The following PENK variants were observed in gnomAD, a reference collection of about 807,000 sequenced individuals.
The protein encoded by PENK is proenkephalin, also known as proenkephalin-A.
A neutral mutation model predicts 24.1 loss-of-function variants in PENK; 25 were observed. The ratio of observed to expected loss-of-function variants is 1.04; its 90% CI spans 0.76 to 1.45. PENK has a LOEUF of 1.45. PENK is among the 40% of genes most tolerant of loss of function. The probability of loss-of-function intolerance (pLI) is 0.00; values close to 1 mark genes in which losing one functional copy is unlikely to be tolerated. For missense variants in PENK, 353 were observed against 337.9 expected (o/e 1.04, Z -0.35); for synonymous variants, 135 against 130.3 (o/e 1.04, Z -0.24).
chr8:56,443,370 T>G (rs1444820584), intron 3 of PENK: 1 of 152,182 alleles, frequency 6.6e-6, no homozygotes, highest in Non-Finnish European at 1.5e-5. Flanking sequence ...ACCAAAAGAT[T>G]TTTAAATGTA....
chr8:56,443,425 A>C (rs1340486743), intron 3 of PENK: 1 of 152,266 alleles, frequency 6.6e-6, no homozygotes, highest in Non-Finnish European at 1.5e-5. Flanking sequence ...CAAATATCAG[A>C]ATAATGCACT....
At chr8:56,442,009 A>G (rs1322040159) in intron 3 of PENK, 72 bp from the exon 4 acceptor site, 1 of 1,149,714 alleles carries the variant, frequency 8.7e-7, no homozygotes, top group Non-Finnish European at 1.3e-6. Context: ...ACTTTTGTGG[A>G]CCAAAATATG....
intron 3 of PENK, 79 bp downstream of exon 3, chr8:56,445,737 T>G: frequency 6.3e-7 from 1 of 1,582,008 alleles, no homozygotes; most frequent in Non-Finnish European, 8.7e-7. Context: ...CGCCGCGCGG[T>G]GGGCCGGAGG....
chr8:56,442,451 G>A (rs930684491), intron 3 of PENK, among the ~76,000 whole-genome samples: 29 of 152,018 alleles, frequency 1.9e-4, no homozygotes, highest in Non-Finnish European at 3.5e-4. Context: ...ACCTAAAATG[G>A]TATCGAGTAT....
At chr8:56,444,465 T>A (rs1437278) in intron 3 of PENK, among the ~76,000 whole-genome samples, 2 of 152,096 alleles carry the variant, frequency 1.3e-5, no homozygotes, top group African/African-American at 2.4e-5. Context: ...TTTTGGATTT[T>A]TCTTCCTCCT....
In PENK at chr8:56,441,669, T is replaced by TC; in HGVS notation, c.406_407insG (p.Tyr136Ter). 6.2e-7 allele frequency: 1 copy of TC among 1,614,112 alleles called. No individual in the cohort carries two copies. The highest frequency in any genetic ancestry group is 8.5e-7 in the Non-Finnish European group (1 of 1,180,006). The change falls in exon 4 of 4, where the codon TAT becomes TGAT. Residue 136 changes from tyrosine to a stop codon, truncating the protein, a stop_gained and frameshift_variant. Coordinates refer to ENST00000451791, the MANE Select transcript of PENK (RefSeq NM_001135690.3). LOFTEE classifies it high-confidence loss of function. ...ANGSEILAKR[Y>*]GGFMKKDAEE... The stretch of plus-strand genomic sequence containing the variant: ...TGCATCCTTCTTCATGAAGCCCCCA[T>TC]ACCGCTTGGCGAGGATCTCACTTCC...
In PENK at chr8:56,441,424, C is replaced by G. The variant is rs765772238; in HGVS notation, c.652G>C (p.Gly218Arg). 1.2e-5 allele frequency: 19 copies of G among 1,613,890 alleles called. No homozygotes were observed. Among genetic ancestry groups the G allele is most frequent in the African/African-American group, 5.3e-5 (4 of 74,922 alleles). ...TAGTCCATCCACCACTCTGGGCGAC[C>G]TACTCTTCTCATGAAGCCCCCATAT... ...KRYGGFMRRV[G>R]RPEWWMDYQK... The change falls in exon 4 of 4, where the codon GGT (glycine) becomes CGT (arginine). Residue 218 changes from glycine (G) to arginine (R), a missense_variant. Gly to Arg is a moderately radical substitution (Grantham distance 125). Transcript: ENST00000451791.
rs1379786753 is a variant in PENK at position 56,441,701 on chromosome 8, CTCT to C, written c.372_374del (p.Glu125del). ...TGGCGAGGATCTCACTTCCATTGGC[CTCT>C]TCTTCTGGCTCCATGGGATAAAGCT... On this transcript the variant is annotated inframe_deletion, in exon 4 of 4. Transcript: ENST00000451791. 1 of 1,613,862 alleles carries C rather than the reference CTCT, an allele frequency of 6.2e-7. No homozygotes were observed. The highest frequency in any genetic ancestry group is 1.3e-5 in the African/African-American group (1 of 74,842).
chr8:56,442,898 A>G (rs773322942), intron 3 of PENK, among the ~76,000 whole-genome samples: 1 of 152,112 alleles, frequency 6.6e-6, no homozygotes, highest in Non-Finnish European at 1.5e-5. Context: ...TCTATTTAAC[A>G]CATCACTTGG....
chr8:56,445,514 A>G (rs1020643151), intron 3 of PENK: 1 of 599,320 alleles, frequency 1.7e-6, no homozygotes, highest in Non-Finnish European at 3.0e-6. Flanking sequence ...GGTGCTGAAC[A>G]GAGGACTTCT....
chr8:56,445,834 C>A lies in PENK; in HGVS notation c.120G>T (p.Pro40=), dbSNP rs1290148458. Residue 40 remains proline (P), a synonymous_variant, in exon 3 of 4, where the codon CCG becomes CCT. Transcript: ENST00000451791. ...CATCSYRLVR[P]ADINFLACVM... is the part of the protein sequence containing the mutation. ...CACTCACCAGGAAGTTGATGTCGGC[C>A]GGGCGCACTAGGCGGTAGCTGCACG... The A allele has an allele frequency of 2.5e-6, 4 of 1,613,308 alleles. No individual in the cohort carries two copies. In the African/African-American group the frequency reaches 4.0e-5, roughly 16 times the overall value.
chr8:56,445,650 T>A, intron 3 of PENK, 166 bp downstream of exon 3: 1 of 818,902 alleles, frequency 1.2e-6, no homozygotes, highest in African/African-American at 1.7e-5. Flanking sequence ...CAGTCAGTGT[T>A]CCAGGAACAG....
At chr8:56,446,197 C>T (rs1193282223) in intron 2 of PENK, 2 of 526,050 alleles carry the variant, frequency 3.8e-6, no homozygotes, top group Non-Finnish European at 6.7e-6. Context: ...CCTGGGGCAC[C>T]CGGCTCTTTT....
chr8:56,441,588 G>C lies in PENK; in HGVS notation c.488C>G (p.Thr163Arg). ...GTGGCTACGCTCTCGGTTGTCCCCT[G>C]TTTCCAGAAGCTCTTTTAGCAGGTC... Reference protein sequence around the residue: ...SSDLLKELLETGDNRERSHHQ... With the variant: ...SSDLLKELLERGDNRERSHHQ... Residue 163 changes from threonine to arginine, a missense_variant, in exon 4 of 4, where the codon ACA becomes AGA. Thr to Arg is a moderately conservative substitution (Grantham distance 71). Transcript: ENST00000451791. 6.2e-7 allele frequency: 1 copy of C among 1,613,784 alleles called. No individual in the cohort carries two copies. Among genetic ancestry groups the C allele is most frequent in the South Asian group, 1.1e-5 (1 of 91,052 alleles).
intron 3 of PENK, among the ~76,000 whole-genome samples, chr8:56,442,185 C>A (rs188291362): frequency 3.0e-4 from 45 of 152,210 alleles, no homozygotes; most frequent in Admixed American, 6.5e-4. Context: ...ATTTTAAACC[C>A]ATAGAAATTT....
At chr8:56,444,300 A>C (rs1039370860) in intron 3 of PENK, among the ~76,000 whole-genome samples, 2 of 152,276 alleles carry the variant, frequency 1.3e-5, no homozygotes, top group African/African-American at 4.8e-5. Context: ...GATTAGAAAA[A>C]TTAGACTAGA....
In PENK at chr8:56,441,250, G is replaced by A. The variant is rs1042874260; in HGVS notation, c.*22C>T. On this transcript the variant is annotated 3_prime_UTR_variant, in exon 4 of 4. Coordinates refer to ENST00000451791, the MANE Select transcript of PENK (RefSeq NM_001135690.3). Reference sequence around the variant, plus strand: ...ATGGAGGGAGGCTTGCTGGGGCCTGGGGCCACTAGTGGGAAAAGATATTAA... The same window carrying A: ...ATGGAGGGAGGCTTGCTGGGGCCTGAGGCCACTAGTGGGAAAAGATATTAA... The A allele has an allele frequency of 3.3e-6, 5 of 1,520,872 alleles. No individual in the cohort carries two copies. The highest frequency in any genetic ancestry group is 3.6e-4 in the Middle Eastern group (2 of 5,614). The allele number at this position is 1,520,872 out of a possible 1,614,324, so 94.2% of individuals were successfully genotyped here.
At chr8:56,445,433 G>C in intron 3 of PENK, 1 of 451,818 alleles carries the variant, frequency 2.2e-6, no homozygotes, top group East Asian at 3.2e-5. Context: ...CCCTTAGCTG[G>C]GATATGTTAG....
At chr8:56,446,290 G>A (rs1804664245) in intron 2 of PENK, 136 bp downstream of exon 2, 1 of 339,436 alleles carries the variant, frequency 2.9e-6, no homozygotes, top group East Asian at 4.9e-5. Flanking sequence ...GGGGAGGCAG[G>A]ACATTGACTG....
Sources: allele counts gnomAD v4.1 joint callset (sites outside exome capture counted in the v4.1 genomes callset), GRCh38; gene constraint gnomAD v4.1.1; transcripts MANE v1.5; gene names NCBI Gene and HGNC (gene_info 2026-07-23, HGNC 2026-07-21).